Variants in AFF3 observed in about 807,000 individuals in gnomAD.
AFF3 encodes AF4/FMR2 family member 3.
Under a neutral mutation model 129.7 loss-of-function variants are expected in AFF3, and 32 were observed. The ratio of observed to expected loss-of-function variants is 0.25; its 90% CI spans 0.19 to 0.33. AFF3 has a LOEUF of 0.33. Among genes scored for constraint, AFF3 ranks in the 10% least tolerant of loss-of-function variants. The pLI, the probability that AFF3 is intolerant of heterozygous loss-of-function variation, is 1.00. For missense variants in AFF3, 1,373 were observed against 1,592.0 expected (o/e 0.86, Z 2.34); for synonymous variants, 644 against 635.4 (o/e 1.01, Z -0.20).
chr2:99,886,074 G>C (rs552249224), intron 7 of AFF3, among the ~76,000 whole-genome samples: 1 of 152,146 alleles, frequency 6.6e-6, no homozygotes, highest in Non-Finnish European at 1.5e-5. Context: ...CCTGAACAAA[G>C]TGTGCCCCTC....
chr2:99,616,573 G>C (rs549100933), intron 13 of AFF3, among the ~76,000 whole-genome samples: 38 of 152,162 alleles, frequency 2.5e-4, no homozygotes, highest in African/African-American at 8.9e-4. Context: ...GACCAATATG[G>C]TGAAACCCTG....
chr2:100,015,811 T>C (rs1409937930), intron 4 of AFF3, among the ~76,000 whole-genome samples: 2 of 152,182 alleles, frequency 1.3e-5, no homozygotes, highest in African/African-American at 4.8e-5. Flanking sequence ...TGGAGTCTTT[T>C]GAAGCTCTGA....
intron 1 of AFF3, among the ~76,000 whole-genome samples, chr2:100,131,995 C>T (rs369022677): frequency 2.0e-5 from 3 of 152,028 alleles, no homozygotes; most frequent in East Asian, 1.9e-4. Context: ...CTCCCAGCTC[C>T]GAGGGAGGAC....
intron 11 of AFF3, among the ~76,000 whole-genome samples, chr2:99,687,339 C>T (rs1675159951): frequency 6.6e-6 from 1 of 152,182 alleles, no homozygotes; most frequent in Admixed American, 6.5e-5. Flanking sequence ...GCTAGGGAAA[C>T]ACTACCAGGA....
rs898978645 is a variant in AFF3 at position 99,925,827 on chromosome 2, A to G, written c.873+80805T>C. Among the ~76,000 whole-genome samples the G allele has an allele frequency of 4.6e-5, 7 of 152,214 alleles. No individual in the cohort carries two copies. In the East Asian group the frequency reaches 5.8e-4, roughly 13 times the overall value. ...AGAGGAGACATTCAGTGAATGTTCA[A>G]TGAAACTGCTTATGTTGTTCTAAAG... is the stretch of plus-strand genomic sequence containing the variant. On this transcript the variant is annotated intron_variant, in intron 7 of 24. Transcript: ENST00000672756.
chr2:99,778,347 C>T (rs1455070948), intron 8 of AFF3, among the ~76,000 whole-genome samples: 5 of 152,174 alleles, frequency 3.3e-5, no homozygotes, highest in African/African-American at 1.2e-4. Flanking sequence ...AAGTAATGTA[C>T]AATTGATACA....
At chr2:100,063,252 C>CAAAA (rs33964775) in intron 4 of AFF3, among the ~76,000 whole-genome samples, 13 of 101,628 alleles carry the variant, frequency 1.3e-4, no homozygotes, top group East Asian at 2.8e-4. Context: ...AACTCCATCT[C>CAAAA]AAAAAAAAAA....
chr2:99,554,240 A>C lies in AFF3; in HGVS notation c.3559+71T>G, dbSNP rs1674700047. 5 of 1,521,962 alleles carry C rather than the reference A, an allele frequency of 3.3e-6. No individual in the cohort carries two copies. In the Admixed American group the frequency reaches 5.0e-5, roughly 15 times the overall value. 94.3% of individuals were successfully genotyped at this position (1,521,962 alleles called of 1,614,324 possible). Reference sequence around the variant, plus strand: ...TGTGTGAGTATCCCAGCTACTCAGGAGGCCGAGGCAGAAGAATCGCTTGAA... The same window carrying C: ...TGTGTGAGTATCCCAGCTACTCAGGCGGCCGAGGCAGAAGAATCGCTTGAA... On this transcript the variant is annotated intron_variant, in intron 24 of 24. Coordinates refer to ENST00000672756, the MANE Select transcript of AFF3 (RefSeq NM_001386135.1).
At chr2:99,885,215 T>C (rs1184315363) in intron 7 of AFF3, among the ~76,000 whole-genome samples, 1 of 152,154 alleles carries the variant, frequency 6.6e-6, no homozygotes, top group African/African-American at 2.4e-5. Flanking sequence ...TGCTCATCCA[T>C]CCCACCTGCA....
intron 24 of AFF3, among the ~76,000 whole-genome samples, chr2:99,553,917 C>CAAAAAAAAAAAAAAAAAAAAAAAAAAAAA (rs1674649199): frequency 1.4e-5 from 1 of 72,454 alleles, no homozygotes; most frequent in African/African-American, 7.2e-5. Context: ...CTGTCTCAAA[C>CAAAAAAAAAAAAAAAAAAAAAAAAAAAAA]CAAAAAAAAA....
intron 7 of AFF3, among the ~76,000 whole-genome samples, chr2:100,004,381 T>A (rs1681747408): frequency 6.6e-6 from 1 of 152,210 alleles, no homozygotes; most frequent in Admixed American, 6.5e-5. Flanking sequence ...AATAAAAATA[T>A]TTATTCCCTC....
chr2:100,014,909 G>C (rs1446426225), intron 4 of AFF3, among the ~76,000 whole-genome samples: 2 of 149,602 alleles, frequency 1.3e-5, no homozygotes, highest in Admixed American at 1.3e-4. Flanking sequence ...TCAGCCTCCC[G>C]AGTAGCTGGG....
At chr2:100,017,446 C>T (rs1009679127) in intron 4 of AFF3, among the ~76,000 whole-genome samples, 4 of 152,160 alleles carry the variant, frequency 2.6e-5, no homozygotes, top group African/African-American at 7.2e-5. Context: ...TAGATCTCTA[C>T]TTTAGCTATG....
At chr2:99,920,531 C>T (rs1041186250) in intron 7 of AFF3, among the ~76,000 whole-genome samples, 3 of 151,950 alleles carry the variant, frequency 2.0e-5, no homozygotes, top group Non-Finnish European at 2.9e-5. Context: ...AAACTTTCAG[C>T]AAACAAGGAA....
intron 18 of AFF3, among the ~76,000 whole-genome samples, chr2:99,574,441 A>T (rs1471021288): frequency 6.6e-6 from 1 of 152,192 alleles, no homozygotes; most frequent in African/African-American, 2.4e-5. Context: ...GGCACATGCT[A>T]ACACGCCCGG....
At chr2:99,601,256 C>T (rs1679796572) in intron 14 of AFF3, among the ~76,000 whole-genome samples, 179 bp downstream of exon 14, 1 of 152,190 alleles carries the variant, frequency 6.6e-6, no homozygotes, top group African/African-American at 2.4e-5. Flanking sequence ...AATTAGGAGA[C>T]TGTGAGGAGG....
At chr2:100,079,785 T>C (rs1382970562) in intron 4 of AFF3, among the ~76,000 whole-genome samples, 2 of 152,190 alleles carry the variant, frequency 1.3e-5, no homozygotes, top group Non-Finnish European at 2.9e-5. Context: ...AAGCTTATTT[T>C]TCTCAGGGTA....
rs1684328021 is a variant in AFF3, at chr2:99,642,797, C to T, written c.1184+6829G>A. Among the ~76,000 whole-genome samples the T allele has an allele frequency of 2.6e-5, 4 of 152,242 alleles. No homozygotes were observed. The South Asian group carries it at 8.3e-4, about 32-fold the overall frequency. On this transcript the variant is annotated intron_variant, in intron 13 of 24. Transcript: ENST00000672756. ...AGTCCTGGCTCTGCCACTTGTGGCCCTGGGTGAGTTGCATCACCTGTTCGC... is the reference window on the plus strand; with the variant it reads ...AGTCCTGGCTCTGCCACTTGTGGCCTTGGGTGAGTTGCATCACCTGTTCGC...
intron 8 of AFF3, among the ~76,000 whole-genome samples, chr2:99,827,817 C>T (rs895008498): frequency 3.9e-5 from 6 of 152,000 alleles, no homozygotes; most frequent in Non-Finnish European, 7.4e-5. Context: ...GTGCTGGCTT[C>T]AGTAGTGCCT....
Sources: allele counts gnomAD v4.1 joint callset (sites outside exome capture counted in the v4.1 genomes callset), GRCh38; gene constraint gnomAD v4.1.1; transcripts MANE v1.5; gene names NCBI Gene and HGNC (gene_info 2026-07-23, HGNC 2026-07-21).